PCNX2: variants seen among roughly 807,000 people sequenced by gnomAD.
The protein encoded by PCNX2 is pecanex-like protein 2.
A neutral mutation model predicts 223.8 loss-of-function variants in PCNX2; 168 were observed. The ratio of observed to expected loss-of-function variants is 0.75; its 90% CI spans 0.66 to 0.85. PCNX2 has a LOEUF of 0.85. PCNX2 is among the 40% of genes least tolerant of loss of function. PCNX2 has a pLI of 0.00. For missense variants in PCNX2, 2,507 were observed against 2,675.5 expected (o/e 0.94, Z 1.39); for synonymous variants, 1,006 against 1,052.6 (o/e 0.96, Z 0.86).
intron 1 of PCNX2, among the ~76,000 whole-genome samples, chr1:233,274,557 A>G (rs1337393635): frequency 1.3e-5 from 2 of 152,226 alleles, no homozygotes; most frequent in African/African-American, 2.4e-5. Context: ...AGATGTATAG[A>G]GTAGAATTCC....
At chr1:233,160,574 G>T in intron 18 of PCNX2, 141 bp from the exon 19 acceptor site, 1 of 963,240 alleles carries the variant, frequency 1.0e-6, no homozygotes, top group Non-Finnish European at 1.5e-6. Context: ...TCAGGCCTCT[G>T]AAAATGTCTT....
chr1:232,985,856 G>A (rs1669454650), intron 33 of PCNX2: 1 of 612,864 alleles, frequency 1.6e-6, no homozygotes, highest in Admixed American at 2.9e-5. Context: ...ACTCCTTTCA[G>A]TGCCTGCCTG....
At chr1:233,249,762 C>T (rs1301687229) in intron 8 of PCNX2, among the ~76,000 whole-genome samples, 1 of 152,208 alleles carries the variant, frequency 6.6e-6, no homozygotes, top group Admixed American at 6.5e-5. Flanking sequence ...TCAGACCTAC[C>T]TGAATGGCAC....
chr1:233,274,462 A>G (rs1157331850), intron 1 of PCNX2, among the ~76,000 whole-genome samples: 1 of 152,210 alleles, frequency 6.6e-6, no homozygotes, highest in Non-Finnish European at 1.5e-5. Context: ...TGCTTAGCTC[A>G]AAAACGCATT....
the PCNX2 span, among the ~76,000 whole-genome samples, chr1:233,305,818 A>G: frequency 6.6e-6 from 1 of 152,310 alleles, no homozygotes; most frequent in African/African-American, 2.4e-5. Context: ...TATCCACTTA[A>G]CAATAGAGGA....
chr1:233,201,102 T>G (rs997160354), intron 13 of PCNX2, among the ~76,000 whole-genome samples: 1 of 121,874 alleles, frequency 8.2e-6, no homozygotes, highest in African/African-American at 4.0e-5. Context: ...TCCCAGAACT[T>G]AAAGTATTAA....
At chr1:233,285,562 C>T (rs765661187) in intron 1 of PCNX2, among the ~76,000 whole-genome samples, 1 of 152,082 alleles carries the variant, frequency 6.6e-6, no homozygotes, top group Non-Finnish European at 1.5e-5. Context: ...GTAATCCCAG[C>T]TACTCTGGAG....
intron 21 of PCNX2, among the ~76,000 whole-genome samples, chr1:233,116,417 AAACTC>A (rs1013688795): frequency 3.9e-5 from 6 of 152,108 alleles, no homozygotes; most frequent in Non-Finnish European, 8.8e-5. Flanking sequence ...AACAAACAAA[AAACTC>A]AACAAAATGA....
intron 19 of PCNX2, among the ~76,000 whole-genome samples, chr1:233,153,686 G>C (rs906584910): frequency 6.6e-6 from 1 of 152,238 alleles, no homozygotes; most frequent in Non-Finnish European, 1.5e-5. Context: ...AGCAGAACAC[G>C]CACATGATCA....
intron 1 of PCNX2, among the ~76,000 whole-genome samples, chr1:233,277,310 G>A (rs1236655148): frequency 6.6e-6 from 1 of 152,198 alleles, no homozygotes; most frequent in African/African-American, 2.4e-5. Context: ...TTTCAAGATA[G>A]TGTCTCTCAA....
rs141788375 is a variant in PCNX2 at position 233,065,021 on chromosome 1, T to A, written c.4077-7731A>T. 9.9e-4 allele frequency among the ~76,000 whole-genome samples: 151 copies of A among 152,338 alleles called. 3 individuals are homozygous for A. The East Asian group carries it at 0.028, about 29-fold the overall frequency. Reference sequence around the variant, plus strand: ...AAACTAAAATTTTTTTTTCATTTTATGTTTATAAAGCTTGCTGAGTTTTAT... The same window carrying A: ...AAACTAAAATTTTTTTTTCATTTTAAGTTTATAAAGCTTGCTGAGTTTTAT... On this transcript the variant is annotated intron_variant, in intron 23 of 33. Transcript: ENST00000258229.
chr1:233,045,285 A>C (rs1671787383), intron 25 of PCNX2, among the ~76,000 whole-genome samples: 1 of 152,218 alleles, frequency 6.6e-6, no homozygotes. Context: ...GGCCAAGCTC[A>C]TAACAATCTT....
rs796173281 is a variant in PCNX2 at position 233,253,747 on chromosome 1, A to T, written c.1835-959T>A. Among the ~76,000 whole-genome samples, 3 of 152,236 alleles carry T rather than the reference A, an allele frequency of 2.0e-5. No individual in the cohort carries two copies. The highest frequency in any genetic ancestry group is 7.2e-5 in the African/African-American group (3 of 41,486). The stretch of plus-strand genomic sequence containing the variant: ...TTTTAAGATGAATGAGAATTCCAAG[A>T]TCAATAGGTACTGATTGTTTTTATT... On this transcript the variant is annotated intron_variant, in intron 5 of 33. Coordinates refer to ENST00000258229, the MANE Select transcript of PCNX2 (RefSeq NM_014801.4). This position sits in a 1 kb window ranked among gnomAD's most constrained non-coding sequence, Gnocchi z 4.2.
chr1:233,206,741 C>T (rs753176210), intron 13 of PCNX2, among the ~76,000 whole-genome samples: 14 of 152,036 alleles, frequency 9.2e-5, no homozygotes, highest in Non-Finnish European at 1.5e-4. Flanking sequence ...CTATTCTGGC[C>T]AGGCACGGTG....
chr1:233,039,004 T>C (rs1000714303), intron 25 of PCNX2, among the ~76,000 whole-genome samples: 1 of 152,150 alleles, frequency 6.6e-6, no homozygotes, highest in Non-Finnish European at 1.5e-5. Flanking sequence ...ATAAGAGCCA[T>C]CTAGGTTTCA....
chr1:233,289,583 C>CCAGA, intron 1 of PCNX2: 1 of 600,240 alleles, frequency 1.7e-6, no homozygotes, highest in Non-Finnish European at 3.0e-6. Context: ...AGGCAGGAAG[C>CCAGA]CAGACATTCA....
chr1:233,082,457 G>A (rs899766731), intron 23 of PCNX2, among the ~76,000 whole-genome samples: 2 of 152,148 alleles, frequency 1.3e-5, no homozygotes, highest in African/African-American at 4.8e-5. Context: ...CAAGGGCATC[G>A]AACAAATAAA....
chr1:233,263,742 CACTGT>C (rs1403008550), intron 1 of PCNX2, among the ~76,000 whole-genome samples: 1 of 152,168 alleles, frequency 6.6e-6, no homozygotes, highest in Non-Finnish European at 1.5e-5. Flanking sequence ...AGGTGTGAGC[CACTGT>C]ACCCGGCCTC....
intron 3 of PCNX2, 65 bp downstream of exon 3, chr1:233,261,980 C>T (rs1244057672): frequency 1.9e-6 from 3 of 1,595,656 alleles, no homozygotes; most frequent in African/African-American, 2.7e-5. Flanking sequence ...TGAACACTCC[C>T]ATTCTAGGTG....
Sources: gnomAD v4.1 joint callset for allele counts (sites outside exome capture counted in the v4.1 genomes callset) on GRCh38, gnomAD v4.1.1 for gene constraint, Gnocchi (gnomAD v3.1) non-coding constraint, MANE v1.5 for transcripts, NCBI Gene and HGNC (gene_info 2026-07-23, HGNC 2026-07-21) for gene names.